The following EDEM3 variants were observed in gnomAD, a reference collection of about 807,000 sequenced individuals.
EDEM3 encodes the protein ER degradation-enhancing alpha-mannosidase-like protein 3.
Under a neutral mutation model 110.2 loss-of-function variants are expected in EDEM3, and 60 were observed. The observed-to-expected ratio is 0.54, with a 90% CI of 0.44 to 0.67. The LOEUF (loss-of-function observed/expected upper bound fraction) is 0.67, where lower values mean the gene tolerates loss of function less well. Ranked by LOEUF, EDEM3 falls within the 30% of genes least tolerant of loss-of-function variation. The pLI is 0.00. For synonymous variants in EDEM3, 352 were observed against 382.9 expected (o/e 0.92, Z 0.94); for missense variants, 996 against 1,121.0 (o/e 0.89, Z 1.59).
At chr1:184,731,528 C>T (rs1380298999) in intron 6 of EDEM3, among the ~76,000 whole-genome samples, 1 of 152,184 alleles carries the variant, frequency 6.6e-6, no homozygotes, top group African/African-American at 2.4e-5. Context: ...ATACTGTACA[C>T]TACACTACTT....
intron 4 of EDEM3, among the ~76,000 whole-genome samples, chr1:184,735,476 G>A (rs1354284634): frequency 5.3e-5 from 8 of 152,052 alleles, no homozygotes; most frequent in African/African-American, 1.2e-4. Flanking sequence ...AATTAAGGCC[G>A]CCCATGAGAT....
intron 1 of EDEM3, among the ~76,000 whole-genome samples, chr1:184,753,365 TG>T (rs2102145289): frequency 6.6e-6 from 1 of 152,190 alleles, no homozygotes; most frequent in African/African-American, 2.4e-5. Flanking sequence ...CGTACCCTAT[TG>T]AACCATTTCC....
At chr1:184,698,429 A>G (rs1649441483) in intron 19 of EDEM3, among the ~76,000 whole-genome samples, 1 of 151,870 alleles carries the variant, frequency 6.6e-6, no homozygotes, top group Non-Finnish European at 1.5e-5. Flanking sequence ...TGATAATGCA[A>G]AACATAATGC....
chr1:184,740,016 G>T (rs1379186138), intron 2 of EDEM3, among the ~76,000 whole-genome samples: 1 of 152,102 alleles, frequency 6.6e-6, no homozygotes. Flanking sequence ...TAAGTTGGGT[G>T]GTTGCTTTTG....
At chr1:184,723,492 A>G (rs554354629) in intron 8 of EDEM3, among the ~76,000 whole-genome samples, 7 of 152,108 alleles carry the variant, frequency 4.6e-5, no homozygotes, top group South Asian at 4.1e-4. Flanking sequence ...TAGTTTTCAA[A>G]TAAATTATAG....
chr1:184,726,274 G>C lies in EDEM3; in HGVS notation c.728C>G (p.Thr243Arg), dbSNP rs1651186744. ...ILEFAALSRF[T>R]GATIFEEYAR... ...GCAAACCTCAAATATTGTTGCTCCT[G>C]TGAATCGACTTAAAGCAGCAAATTC... The change falls in exon 7 of 20, where the codon ACA becomes AGA. Residue 243 changes from threonine (T) to arginine (R), a missense_variant. Around this residue, in one of 5 missense-constraint regions of EDEM3, gnomAD observed 310 missense variants for 394.6 expected, o/e 0.79. Coordinates refer to ENST00000318130, the MANE Select transcript of EDEM3 (RefSeq NM_025191.4). 6.2e-7 allele frequency: 1 copy of C among 1,613,494 alleles called. No individual in the cohort carries two copies. The highest frequency in any genetic ancestry group is 1.7e-5 in the Admixed American group (1 of 59,982).
At chr1:184,747,208 T>C (rs1652479932) in intron 2 of EDEM3, among the ~76,000 whole-genome samples, 1 of 152,198 alleles carries the variant, frequency 6.6e-6, no homozygotes, top group Admixed American at 6.5e-5. Flanking sequence ...TTTGCAATTA[T>C]TCTCATTTTA....
chr1:184,710,568 C>A (rs745705922), intron 15 of EDEM3, 21 bp from the exon 16 acceptor site: 1 of 1,571,070 alleles, frequency 6.4e-7, no homozygotes, highest in Non-Finnish European at 8.6e-7. Flanking sequence ...TAATTACAGG[C>A]AAGGCTTAAA....
chr1:184,719,661 G>A, intron 9 of EDEM3, 93 bp from the exon 10 acceptor site: 1 of 1,205,996 alleles, frequency 8.3e-7, no homozygotes. Flanking sequence ...AATTAAACTA[G>A]AATTTATATA....
chr1:184,706,338 G>A (rs1237039387), intron 18 of EDEM3, among the ~76,000 whole-genome samples: 1 of 152,060 alleles, frequency 6.6e-6, no homozygotes, highest in East Asian at 1.9e-4. Context: ...CGGGGGTTAT[G>A]GATCTCATGG....
rs150402268 is a variant in EDEM3 at position 184,750,295 on chromosome 1, C to A, written c.159-703G>T. Among the ~76,000 whole-genome samples, 337 of 152,260 alleles carry A rather than the reference C, an allele frequency of 2.2e-3. 4 individuals are homozygous for A. The East Asian group carries it at 0.03, about 13-fold the overall frequency. Reference sequence around the variant, plus strand: ...TTTGGCGAATTCTGTTTCACAAAATCTCCGTAACCACTGTTTAAAATGGAG... The same window carrying A: ...TTTGGCGAATTCTGTTTCACAAAATATCCGTAACCACTGTTTAAAATGGAG... On this transcript the variant is annotated intron_variant, in intron 1 of 19. Transcript: ENST00000318130.
intron 16 of EDEM3, among the ~76,000 whole-genome samples, chr1:184,709,246 G>T (rs1186638611): frequency 6.6e-6 from 1 of 152,164 alleles, no homozygotes; most frequent in Non-Finnish European, 1.5e-5. Context: ...GATTGAGATT[G>T]AGATGCAAGA....
chr1:184,692,938 T>C lies in EDEM3; in HGVS notation c.*1125A>G, dbSNP rs1368717557. 1.3e-5 allele frequency: 2 copies of C among 153,752 alleles called. No individual in the cohort carries two copies. Among genetic ancestry groups the C allele is most frequent in the African/African-American group, 4.8e-5 (2 of 41,414 alleles). The allele number at this position is 153,752 out of a possible 1,614,324, so 9.5% of individuals were successfully genotyped here. On this transcript the variant is annotated 3_prime_UTR_variant, in exon 20 of 20. Transcript: ENST00000318130. Reference sequence around the variant, plus strand: ...CTGTTAAAAACAAAAACAAAAACCATGATTCAACAGAAAATGTGACAGATT... The same window carrying C: ...CTGTTAAAAACAAAAACAAAAACCACGATTCAACAGAAAATGTGACAGATT...
At chr1:184,710,977 G>T (rs985627873) in intron 15 of EDEM3, among the ~76,000 whole-genome samples, 2 of 152,032 alleles carry the variant, frequency 1.3e-5, no homozygotes, top group Non-Finnish European at 2.9e-5. Flanking sequence ...ATAACTACTC[G>T]TCAGAAAATG....
At chr1:184,716,632 A>C (rs926817801) in intron 13 of EDEM3, among the ~76,000 whole-genome samples, 3 of 152,170 alleles carry the variant, frequency 2.0e-5, no homozygotes, top group Non-Finnish European at 4.4e-5. Context: ...CAAGGTTCTG[A>C]TATTTAACAA....
chr1:184,719,620 A>G (rs1217441154), intron 9 of EDEM3, 52 bp from the exon 10 acceptor site: 1 of 1,576,492 alleles, frequency 6.3e-7, no homozygotes, highest in East Asian at 2.3e-5. Context: ...AAGAGGTACT[A>G]CTCTAAACAC....
chr1:184,750,638 G>A (rs887813254), intron 1 of EDEM3, among the ~76,000 whole-genome samples: 2 of 151,252 alleles, frequency 1.3e-5, no homozygotes, highest in Non-Finnish European at 2.9e-5. Context: ...TCAGCCTCCC[G>A]AGTAGCTGGG....
intron 2 of EDEM3, among the ~76,000 whole-genome samples, chr1:184,748,513 T>C (rs1341057103): frequency 6.6e-6 from 1 of 150,946 alleles, no homozygotes; most frequent in East Asian, 1.9e-4. Flanking sequence ...TCTTGAGAAA[T>C]AAATTTGAAA....
At chr1:184,745,939 T>C (rs762929428) in intron 2 of EDEM3, among the ~76,000 whole-genome samples, 1 of 152,224 alleles carries the variant, frequency 6.6e-6, no homozygotes, top group Non-Finnish European at 1.5e-5. Flanking sequence ...TCTAAATTAA[T>C]CTGCAAACTA....
Sources: gnomAD v4.1 joint callset for allele counts (sites outside exome capture counted in the v4.1 genomes callset) on GRCh38, gnomAD v4.1.1 for gene constraint, gnomAD v4.1.1 regional missense constraint, MANE v1.5 for transcripts, NCBI Gene and HGNC (gene_info 2026-07-23, HGNC 2026-07-21) for gene names.